Variants in MICAL3 observed in about 807,000 individuals in gnomAD.
The protein encoded by MICAL3 is [F-actin]-monooxygenase MICAL3.
A neutral mutation model predicts 207.4 loss-of-function variants in MICAL3; 62 were observed. The observed-to-expected ratio is 0.30, with a 90% CI of 0.24 to 0.37. The LOEUF (loss-of-function observed/expected upper bound fraction) is 0.37. Ranked by LOEUF, MICAL3 falls within the 10% of genes least tolerant of loss-of-function variation. MICAL3 has a pLI of 1.00. For synonymous variants in MICAL3, 1,077 were observed against 1,069.3 expected (o/e 1.01, Z -0.14); for missense variants, 2,368 against 2,635.6 (o/e 0.90, Z 2.22).
At position 17,960,952 on chromosome 22, in the gene MICAL3, T is replaced by C. The variant is rs547538016; in HGVS notation, c.-74-54066A>G. On this transcript the variant is annotated intron_variant, in intron 1 of 31. Transcript: ENST00000441493. ...GGCAACGAGACGGTGCGGGACCTGG[T>C]AGGCCACCTGGCAGCTTTGGCATTG... Among the ~76,000 whole-genome samples the C allele has an allele frequency of 2.3e-3, 347 of 152,218 alleles. 1 individual carries two copies. Among genetic ancestry groups the C allele is most frequent in the Middle Eastern group, 3.4e-3 (1 of 294 alleles).
At chr22:17,816,601 T>C in intron 27 of MICAL3, 89 bp downstream of exon 27, 1 of 1,072,486 alleles carries the variant, frequency 9.3e-7, no homozygotes. Flanking sequence ...TGGCTTGCGG[T>C]TTGCTCTCCC....
At chr22:17,836,862 G>C (rs1222118097) in intron 20 of MICAL3, among the ~76,000 whole-genome samples, 1 of 152,140 alleles carries the variant, frequency 6.6e-6, no homozygotes, top group Admixed American at 6.5e-5. Flanking sequence ...AGCCAGGATG[G>C]TCTCCATCTC....
At chr22:17,931,710 G>A (rs747399311) in intron 1 of MICAL3, among the ~76,000 whole-genome samples, 30 of 152,336 alleles carry the variant, frequency 2.0e-4, no homozygotes, top group Middle Eastern at 3.4e-3. Flanking sequence ...ATGAGTCACA[G>A]ATCCAGCCTG....
intron 1 of MICAL3, among the ~76,000 whole-genome samples, chr22:17,922,278 G>A (rs1932818953): frequency 6.6e-6 from 1 of 152,182 alleles, no homozygotes; most frequent in Non-Finnish European, 1.5e-5. Context: ...TACAGATGCG[G>A]GCAGATGCCA....
intron 27 of MICAL3, chr22:17,814,831 G>A (rs11703172): frequency 4.2e-5 from 5 of 119,454 alleles, no homozygotes; most frequent in East Asian, 2.4e-4. Flanking sequence ...TCCCCTAGCC[G>A]GGCCGTCCCG....
chr22:17,980,099 G>A (rs1223038134), intron 1 of MICAL3, among the ~76,000 whole-genome samples: 2 of 146,484 alleles, frequency 1.4e-5, no homozygotes, highest in East Asian at 3.9e-4. Flanking sequence ...AAAGTGCTAG[G>A]ATTACAGGGG....
At chr22:17,810,174 T>C (rs979124013) in intron 28 of MICAL3, among the ~76,000 whole-genome samples, 1 of 151,178 alleles carries the variant, frequency 6.6e-6, no homozygotes, top group African/African-American at 2.4e-5. Flanking sequence ...GCCATTCTCC[T>C]GCCTCAGCCA....
chr22:17,826,060 TTC>T (rs1275055678), intron 22 of MICAL3, among the ~76,000 whole-genome samples: 1 of 152,348 alleles, frequency 6.6e-6, no homozygotes, highest in South Asian at 2.1e-4. Flanking sequence ...GACAGCCTCC[TTC>T]TCTGATAGCT....
intron 1 of MICAL3, among the ~76,000 whole-genome samples, chr22:17,964,410 C>G (rs550041699): frequency 6.6e-6 from 1 of 152,166 alleles, no homozygotes; most frequent in African/African-American, 2.4e-5. Context: ...GCCACAGGCC[C>G]CAGCGAACAG....
chr22:17,891,431 T>C (rs1261957753), intron 12 of MICAL3, 54 bp downstream of exon 12: 40 of 1,524,880 alleles, frequency 2.6e-5, no homozygotes, highest in Non-Finnish European at 3.5e-5. Context: ...GATAGCAGAG[T>C]GGTCTGAGAT....
intron 1 of MICAL3, among the ~76,000 whole-genome samples, chr22:17,997,190 A>G (rs1031567314): frequency 6.6e-6 from 1 of 150,614 alleles, no homozygotes; most frequent in Non-Finnish European, 1.5e-5. Flanking sequence ...CAGCCTCCAG[A>G]GTAGCTGGGA....
chr22:17,889,293 T>A, intron 12 of MICAL3, 63 bp from the exon 13 acceptor site: 1 of 1,192,100 alleles, frequency 8.4e-7, no homozygotes, highest in African/African-American at 1.5e-5. Flanking sequence ...AGAAACGCAG[T>A]ATCCTGGAGT....
At chr22:17,875,914 G>C (rs1478352015) in intron 16 of MICAL3, among the ~76,000 whole-genome samples, 1 of 152,134 alleles carries the variant, frequency 6.6e-6, no homozygotes, top group Non-Finnish European at 1.5e-5. Flanking sequence ...GCTCTGCCAA[G>C]CAACCCCCGG....
intron 19 of MICAL3, chr22:17,861,573 ACTT>A (rs1178986498): frequency 1.1e-5 from 11 of 985,158 alleles, no homozygotes; most frequent in Admixed American, 6.2e-5. Context: ...CTGTAACTAA[ACTT>A]CTCATGTCCA....
chr22:17,855,406 G>T (rs1569096586), intron 19 of MICAL3, among the ~76,000 whole-genome samples: 1 of 152,188 alleles, frequency 6.6e-6, no homozygotes, highest in African/African-American at 2.4e-5. Flanking sequence ...CCTTTGAAAC[G>T]TATCAGAAAA....
In MICAL3 at chr22:17,821,409, C is replaced by T. The variant is rs377698033; in HGVS notation, c.3531+18G>A. 4.0e-5 allele frequency: 62 copies of T among 1,537,312 alleles called. No individual in the cohort carries two copies. Among genetic ancestry groups the T allele is most frequent in the South Asian group, 6.0e-5 (5 of 82,964 alleles). On this transcript the variant is annotated intron_variant, in intron 25 of 31. Transcript: ENST00000441493. ...CCCATTAGTTCTCTGTACCCCACAG[C>T]GAGCCCCAAACCCTTACCTCTGTTG...
At chr22:17,877,848 CT>C (rs1193542834) in intron 16 of MICAL3, among the ~76,000 whole-genome samples, 1 of 151,902 alleles carries the variant, frequency 6.6e-6, no homozygotes, top group African/African-American at 2.4e-5. Context: ...CTCCCTTCTT[CT>C]TTTTTTTGAG....
At chr22:18,020,898 G>A (rs1924428756) in intron 1 of MICAL3, among the ~76,000 whole-genome samples, 2 of 147,266 alleles carry the variant, frequency 1.4e-5, no homozygotes, top group African/African-American at 2.5e-5. Context: ...TGGGTGACAG[G>A]GTGAGACCCT....
Position 17,816,793 on chromosome 22 carries a change from A to T in MICAL3, c.5351-9T>A, listed in dbSNP as rs1161810214. The T allele has an allele frequency of 6.5e-7, 1 of 1,547,170 alleles. No homozygotes were observed. The highest frequency in any genetic ancestry group is 2.0e-5 in the Admixed American group (1 of 51,010). On this transcript the variant is annotated splice_polypyrimidine_tract_variant and intron_variant, in intron 26 of 31. Transcript: ENST00000441493. The stretch of plus-strand genomic sequence containing the variant: ...GCGCCGGAGCTGCAGCTCTGTGGAG[A>T]GAGGGAGGCCACGTGAGGACAGCGC...
Sources: gnomAD v4.1 joint callset for allele counts (sites outside exome capture counted in the v4.1 genomes callset) on GRCh38, gnomAD v4.1.1 for gene constraint, MANE v1.5 for transcripts, NCBI Gene and HGNC (gene_info 2026-07-23, HGNC 2026-07-21) for gene names.